Variants in LRP2 observed in about 807,000 individuals in gnomAD.
LRP2 encodes low-density lipoprotein receptor-related protein 2.
In LRP2, 172 loss-of-function variants were observed where a neutral mutation model predicts 531.0. The ratio of observed to expected loss-of-function variants is 0.32; its 90% CI spans 0.29 to 0.37. The LOEUF (loss-of-function observed/expected upper bound fraction) is 0.37, where lower values mean the gene tolerates loss of function less well. Among genes scored for constraint, LRP2 ranks in the 10% least tolerant of loss-of-function variants. LRP2 has a pLI of 1.00. For missense variants in LRP2, 5,167 were observed against 5,868.3 expected (o/e 0.88, Z 3.90); for synonymous variants, 1,992 against 2,027.6 (o/e 0.98, Z 0.47).
At chr2:169,137,649 CAAA>C (rs1160173051) in intron 75 of LRP2, among the ~76,000 whole-genome samples, 156 bp from the exon 76 acceptor site, 15 of 45,484 alleles carry the variant, frequency 3.3e-4, no homozygotes, top group African/African-American at 8.3e-4. Context: ...AGAGAACTTG[CAAA>C]AAAAAAAAAA....
At chr2:169,207,432 T>C (rs1039654036) in intron 38 of LRP2, among the ~76,000 whole-genome samples, 182 bp from the exon 39 acceptor site, 8 of 152,230 alleles carry the variant, frequency 5.3e-5, no homozygotes, top group Non-Finnish European at 7.3e-5. Context: ...CTAGGAATTA[T>C]AGAGATTGTG....
chr2:169,257,836 A>AAAAAAAACAAAAAAAAAAAAAAAAAAAAC (rs1553504243), intron 17 of LRP2, among the ~76,000 whole-genome samples: 1 of 143,160 alleles, frequency 7.0e-6, no homozygotes, highest in Admixed American at 7.1e-5. Flanking sequence ...AAAAAAAAAA[A>AAAAAAAACAAAAAAAAAAAAAAAAAAAAC]ACACAAAAAA....
At chr2:169,173,305 T>C in intron 56 of LRP2, 81 bp from the exon 57 acceptor site, 2 of 1,551,850 alleles carry the variant, frequency 1.3e-6, no homozygotes, top group Non-Finnish European at 1.8e-6. Flanking sequence ...GTTGTGGTAC[T>C]GAGGAATAAC....
intron 1 of LRP2, among the ~76,000 whole-genome samples, chr2:169,340,633 A>G (rs888754471): frequency 2.0e-5 from 3 of 152,176 alleles, no homozygotes; most frequent in Non-Finnish European, 2.9e-5. Flanking sequence ...GCCATTTTGG[A>G]CAATGAGGTG....
chr2:169,150,085 C>T (rs2105352867), intron 68 of LRP2, among the ~76,000 whole-genome samples: 1 of 152,264 alleles, frequency 6.6e-6, no homozygotes, highest in South Asian at 2.1e-4. Context: ...TTAATCTCAT[C>T]AGTCAAGTAT....
chr2:169,152,590 GA>G (rs1686184309), intron 67 of LRP2, among the ~76,000 whole-genome samples: 1 of 151,966 alleles, frequency 6.6e-6, no homozygotes, highest in Admixed American at 6.6e-5. Flanking sequence ...GGCCCACAAA[GA>G]ATACAGGATA....
intron 44 of LRP2, 148 bp from the exon 45 acceptor site, chr2:169,199,059 C>T (rs1294129288): frequency 6.9e-6 from 5 of 725,844 alleles, no homozygotes; most frequent in East Asian, 2.9e-5. Context: ...ATCCATGATA[C>T]TTATGTTACC....
At chr2:169,168,445 A>T in intron 61 of LRP2, 94 bp downstream of exon 61, 1 of 1,484,722 alleles carries the variant, frequency 6.7e-7, no homozygotes, top group Non-Finnish European at 9.4e-7. Flanking sequence ...AAACAATTGT[A>T]CAACTGCTCT....
chr2:169,176,939 TA>T (rs1270217317), intron 53 of LRP2, among the ~76,000 whole-genome samples: 1 of 152,220 alleles, frequency 6.6e-6, no homozygotes, highest in Non-Finnish European at 1.5e-5. Context: ...CAACAGATGC[TA>T]TATTCATTCC....
At chr2:169,200,889 G>A (rs1225226189) in intron 44 of LRP2, among the ~76,000 whole-genome samples, 5 of 152,188 alleles carry the variant, frequency 3.3e-5, no homozygotes, top group African/African-American at 4.8e-5. Context: ...AGCTTCATAA[G>A]AGATGATTCA....
chr2:169,268,684 A>T (rs1683306386), intron 16 of LRP2, among the ~76,000 whole-genome samples: 1 of 152,350 alleles, frequency 6.6e-6, no homozygotes, highest in East Asian at 1.9e-4. Flanking sequence ...TCCCTTTGAA[A>T]ACTGGCACAA....
intron 54 of LRP2, among the ~76,000 whole-genome samples, chr2:169,175,770 C>T (rs915648079): frequency 6.6e-6 from 1 of 152,124 alleles, no homozygotes; most frequent in Non-Finnish European, 1.5e-5. Context: ...GCAATAAAAA[C>T]TGTTGAGGGT....
At chr2:169,240,377 C>G (rs935452492) in intron 25 of LRP2, among the ~76,000 whole-genome samples, 8 of 152,148 alleles carry the variant, frequency 5.3e-5, no homozygotes, top group South Asian at 2.1e-4. Flanking sequence ...TGTACTCTAA[C>G]ATATTTGTAA....
chr2:169,182,359 T>A lies in LRP2; in HGVS notation c.9846-40A>T, dbSNP rs868418269. 4.3e-6 allele frequency: 7 copies of A among 1,610,046 alleles called. No homozygotes were observed. In the Middle Eastern group the frequency reaches 6.6e-4, roughly 152 times the overall value. ...CAGGAGTTAACCAATACAGTCACTT[T>A]GTGAAATGGTACATATTTAGCCACC... On this transcript the variant is annotated intron_variant, in intron 50 of 78. Transcript: ENST00000649046.
rs187141730 is a variant in LRP2 at position 169,148,509 on chromosome 2, G to T, written c.12591-1550C>A. Among the ~76,000 whole-genome samples the T allele has an allele frequency of 9.9e-5, 15 of 152,202 alleles. No individual in the cohort carries two copies. The East Asian group carries it at 2.3e-3, about 24-fold the overall frequency. On this transcript the variant is annotated intron_variant, in intron 68 of 78. Coordinates refer to ENST00000649046, the MANE Select transcript of LRP2 (RefSeq NM_004525.3). ...TCTTAAAGATAATAAGCCAGGCATG[G>T]TGGTGTGCAAGTAGAAGGCTGAGGC... is the stretch of plus-strand genomic sequence containing the variant.
intron 56 of LRP2, among the ~76,000 whole-genome samples, 153 bp downstream of exon 56, chr2:169,173,766 C>T (rs1043569961): frequency 3.9e-5 from 6 of 152,244 alleles, no homozygotes; most frequent in African/African-American, 1.4e-4. Context: ...CACAGCTATA[C>T]TCTGCCTTGC....
At chr2:169,172,955 TA>T in intron 57 of LRP2, 140 bp downstream of exon 57, 5 of 1,104,328 alleles carry the variant, frequency 4.5e-6, no homozygotes, top group Non-Finnish European at 6.7e-6. Context: ...AACATGTTAT[TA>T]GAAGAATCAA....
chr2:169,256,229 G>A lies in LRP2; in HGVS notation c.2647C>T (p.Arg883Ter), dbSNP rs1690299312. The change falls in exon 19 of 79, where the codon CGA becomes TGA. Residue 883 changes from arginine to a stop codon, truncating the protein, a stop_gained. Coordinates refer to ENST00000649046, the MANE Select transcript of LRP2 (RefSeq NM_004525.3). LOFTEE classifies it high-confidence loss of function. ...AAATAGGCATCTACCCAGTACAATC[G>A]TGAAGCACTAAAATAATAAAATATT... ...NGLAIDWAAS[R>*]LYWVDAYFDK... 1.9e-6 allele frequency: 3 copies of A among 1,611,646 alleles called. No homozygotes were observed. The highest frequency in any genetic ancestry group is 2.5e-6 in the Non-Finnish European group (3 of 1,178,442).
rs557087761 is a variant in LRP2 at position 169,232,451 on chromosome 2, G to A, written c.5099-609C>T. ...AATCCATTCATTCACCAGAAAAATGGTAGGTATTCACTGTAAACCAAACAC... is the reference window on the plus strand; with the variant it reads ...AATCCATTCATTCACCAGAAAAATGATAGGTATTCACTGTAAACCAAACAC... On this transcript the variant is annotated intron_variant, in intron 30 of 78. Coordinates refer to ENST00000649046, the MANE Select transcript of LRP2 (RefSeq NM_004525.3). Among the ~76,000 whole-genome samples, 41 of 152,084 alleles carry A rather than the reference G, an allele frequency of 2.7e-4. 1 individual carries two copies. The South Asian group carries it at 4.6e-3, about 17-fold the overall frequency.
Sources: allele counts gnomAD v4.1 joint callset (sites outside exome capture counted in the v4.1 genomes callset), GRCh38; gene constraint gnomAD v4.1.1; transcripts MANE v1.5; gene names NCBI Gene and HGNC (gene_info 2026-07-23, HGNC 2026-07-21).